BCL2L13: variants seen among roughly 807,000 people sequenced by gnomAD.
The protein encoded by BCL2L13 is bcl-2-like protein 13.
A neutral mutation model predicts 25.8 loss-of-function variants in BCL2L13; 13 were observed. The observed-to-expected ratio is 0.50, with a 90% CI of 0.33 to 0.80. The LOEUF (loss-of-function observed/expected upper bound fraction) is 0.80. Ranked by LOEUF, BCL2L13 falls within the 30% of genes least tolerant of loss-of-function variation. The pLI is 0.02. For synonymous variants in BCL2L13, 244 were observed against 230.3 expected (o/e 1.06, Z -0.54); for missense variants, 504 against 574.9 (o/e 0.88, Z 1.26).
rs1318136673 is a variant in BCL2L13, at chr22:17,728,367, C to G, written c.*833C>G. On this transcript the variant is annotated 3_prime_UTR_variant, in exon 7 of 7. Transcript: ENST00000317582. ...ACATGAAGGAGACCTGGGGTCCCCACTTGTGAGTGCAACTGCAAGTAACTC... is the reference window on the plus strand; with the variant it reads ...ACATGAAGGAGACCTGGGGTCCCCAGTTGTGAGTGCAACTGCAAGTAACTC... 1 of 152,234 alleles carries G rather than the reference C, an allele frequency of 6.6e-6. No homozygotes were observed. Among genetic ancestry groups the G allele is most frequent in the Non-Finnish European group, 1.5e-5 (1 of 68,052 alleles). The allele number at this position is 152,234 out of a possible 1,614,324, so 9.4% of individuals were successfully genotyped here.
At chr22:17,700,203 T>C (rs1174108895) in intron 5 of BCL2L13, among the ~76,000 whole-genome samples, 2 of 152,144 alleles carry the variant, frequency 1.3e-5, no homozygotes, top group South Asian at 2.1e-4. Context: ...TGGATCACTT[T>C]GCATTGCAAT....
In BCL2L13 at chr22:17,645,734, G is replaced by C. The variant is rs574864462; in HGVS notation, c.-51+6848G>C. 2.0e-5 allele frequency among the ~76,000 whole-genome samples: 3 copies of C among 151,592 alleles called. No homozygotes were observed. In the East Asian group the frequency reaches 5.8e-4, roughly 29 times the overall value. Reference sequence around the variant, plus strand: ...GTTCATGGATGTTTTATTTGTGGCTGGTTTTGGAGATGACACCAAATGAAT... The same window carrying C: ...GTTCATGGATGTTTTATTTGTGGCTCGTTTTGGAGATGACACCAAATGAAT... On this transcript the variant is annotated intron_variant, in intron 1 of 6. Coordinates refer to ENST00000317582, the MANE Select transcript of BCL2L13 (RefSeq NM_015367.4).
chr22:17,704,681 A>G (rs920841052), intron 6 of BCL2L13, among the ~76,000 whole-genome samples: 2 of 152,082 alleles, frequency 1.3e-5, no homozygotes, highest in Non-Finnish European at 2.9e-5. Flanking sequence ...TCAACATAAT[A>G]AAATCTCAGT....
chr22:17,654,105 T>G (rs2058772372), intron 1 of BCL2L13, among the ~76,000 whole-genome samples: 5 of 152,090 alleles, frequency 3.3e-5, no homozygotes, highest in African/African-American at 9.7e-5. Flanking sequence ...ATCTTCTATT[T>G]CTTTTTGTTT....
chr22:17,663,822 G>A (rs1227317785), intron 2 of BCL2L13, among the ~76,000 whole-genome samples: 1 of 144,284 alleles, frequency 6.9e-6, no homozygotes, highest in Non-Finnish European at 1.5e-5. Flanking sequence ...GAGTAGCTGG[G>A]ATTACAGATG....
Position 17,638,799 on chromosome 22 carries a change from G to A in BCL2L13, c.-138G>A, listed in dbSNP as rs1476575451. ...CGGCGGTAGATTAGGGCCGCGGGTC[G>A]GAGCACTCACCGCCGCTGGGGGACC... On this transcript the variant is annotated 5_prime_UTR_variant, in exon 1 of 7. Transcript: ENST00000317582. 1.2e-5 allele frequency: 15 copies of A among 1,231,802 alleles called. No homozygotes were observed. The highest frequency in any genetic ancestry group is 4.2e-5 in the Admixed American group (1 of 23,700). 76.3% of individuals were successfully genotyped at this position (1,231,802 alleles called of 1,614,324 possible).
intron 5 of BCL2L13, among the ~76,000 whole-genome samples, chr22:17,700,127 G>T (rs1290927187): frequency 6.6e-6 from 1 of 152,002 alleles, no homozygotes; most frequent in Non-Finnish European, 1.5e-5. Flanking sequence ...CTGCTCTGTG[G>T]TTACTGCGTT....
chr22:17,722,378 G>GCGTGTGTGCGTGT (rs1491171137), intron 6 of BCL2L13, among the ~76,000 whole-genome samples: 1 of 122,066 alleles, frequency 8.2e-6, no homozygotes, highest in African/African-American at 4.1e-5. Context: ...AGACTACAGG[G>GCGTGTGTGCGTGT]GTGTGTGTGT....
rs1244871022 is a variant in BCL2L13 at position 17,729,985 on chromosome 22, T to TG, written c.*2457dup. The TG allele has an allele frequency of 2.0e-5, 3 of 149,766 alleles. No homozygotes were observed. The highest frequency in any genetic ancestry group is 7.3e-5 in the African/African-American group (3 of 41,348). The allele number at this position is 149,766 out of a possible 1,614,324, so 9.3% of individuals were successfully genotyped here. A position where few individuals can be genotyped will look rare whatever the true frequency, so the allele number is the denominator to read the frequency against. On this transcript the variant is annotated 3_prime_UTR_variant, in exon 7 of 7. Coordinates refer to ENST00000317582, the MANE Select transcript of BCL2L13 (RefSeq NM_015367.4). ...CTATTTCTCAAGCTTCCCCTCCTTT[T>TG]GGGGGGAGGAGCTGATAGTAGGAGG...
intron 6 of BCL2L13, among the ~76,000 whole-genome samples, chr22:17,722,421 A>G (rs3884839): frequency 0.12 from 13,581 of 116,050 alleles, 712 homozygotes; most frequent in Non-Finnish European, 0.13. Flanking sequence ...GTGTGTGTGT[A>G]TGTAGAGATG....
At chr22:17,669,295 G>A (rs966359500) in intron 2 of BCL2L13, among the ~76,000 whole-genome samples, 1 of 152,126 alleles carries the variant, frequency 6.6e-6, no homozygotes, top group Admixed American at 6.6e-5. Context: ...GCCTCCCACA[G>A]TGCTGGGATT....
chr22:17,643,612 G>A (rs1034075350), intron 1 of BCL2L13, among the ~76,000 whole-genome samples: 1 of 151,960 alleles, frequency 6.6e-6, no homozygotes, highest in Admixed American at 6.6e-5. Context: ...GTTGTTGTTT[G>A]CTTTTTTATT....
chr22:17,634,771 C>G (rs937817995), upstream of BCL2L13, among the ~76,000 whole-genome samples: 8 of 151,328 alleles, frequency 5.3e-5, no homozygotes, highest in African/African-American at 1.9e-4. Flanking sequence ...AGTGGGACAC[C>G]TGCCTCTACA....
chr22:17,657,823 CTTTT>C (rs71201859), intron 2 of BCL2L13, among the ~76,000 whole-genome samples: 17,699 of 85,518 alleles, frequency 0.21, 1,739 homozygotes, highest in African/African-American at 0.36. Flanking sequence ...GTTGACATTT[CTTTT>C]TTTTTTTTTT....
chr22:17,714,347 G>A (rs2060852705), intron 6 of BCL2L13, among the ~76,000 whole-genome samples: 1 of 152,084 alleles, frequency 6.6e-6, no homozygotes. Context: ...AGCTACTTGG[G>A]AGGCTGAGGC....
intron 1 of BCL2L13, among the ~76,000 whole-genome samples, chr22:17,644,665 A>G (rs1270373368): frequency 6.6e-6 from 1 of 151,410 alleles, no homozygotes; most frequent in African/African-American, 2.5e-5. Flanking sequence ...AGTGGAAGGA[A>G]ATTTAGAAAC....
chr22:17,628,897 G>C (rs1425367414), upstream of BCL2L13: 2 of 538,622 alleles, frequency 3.7e-6, no homozygotes, highest in African/African-American at 3.8e-5. Flanking sequence ...GCTGACTCGT[G>C]ACCTGACCGG....
chr22:17,712,443 A>G (rs1391233104), intron 6 of BCL2L13, among the ~76,000 whole-genome samples: 1 of 152,246 alleles, frequency 6.6e-6, no homozygotes, highest in Non-Finnish European at 1.5e-5. Flanking sequence ...TAAGTGTACT[A>G]CAGTTAATAA....
At chr22:17,674,850 T>A (rs555030655) in intron 2 of BCL2L13, among the ~76,000 whole-genome samples, 142 of 149,830 alleles carry the variant, frequency 9.5e-4, no homozygotes, top group African/African-American at 3.1e-3. Context: ...AATACTTTTT[T>A]AAAAAATTCC....
Sources: allele counts gnomAD v4.1 joint callset (sites outside exome capture counted in the v4.1 genomes callset), GRCh38; gene constraint gnomAD v4.1.1; transcripts MANE v1.5; gene names NCBI Gene and HGNC (gene_info 2026-07-23, HGNC 2026-07-21).